The following ZNF778 variants were observed in gnomAD, a reference collection of about 807,000 sequenced individuals.
ZNF778 encodes the protein zinc finger protein 778.
A neutral mutation model predicts 23.9 loss-of-function variants in ZNF778; 37 were observed. That is an observed-to-expected ratio of 1.54 (90% CI 1.19 to 2.03). ZNF778 has a LOEUF of 2.03. ZNF778 is among the 30% of genes most tolerant of loss of function. ZNF778 has a pLI of 0.00. For synonymous variants in ZNF778, 483 were observed against 343.9 expected, an observed-to-expected ratio of 1.40 and a Z score of -4.48; for missense variants, 1,297 against 934.4, an observed-to-expected ratio of 1.39 and a Z score of -5.06.
rs535410393 is a variant in ZNF778 at position 89,222,935 on chromosome 16, G to A, written c.118-222G>A. ...AGGGTGCGCGTGACTGGAGGAGCGC[G>A]ACAGGGCACGCGTGACTGGAGGAGA... On this transcript the variant is annotated intron_variant, in intron 3 of 6. Transcript: ENST00000433976. Among the ~76,000 whole-genome samples, 55 of 145,832 alleles carry A rather than the reference G, an allele frequency of 3.8e-4. 2 individuals carry two copies. The South Asian group carries it at 9.7e-3, about 26-fold the overall frequency.
rs1421510220 is a variant in ZNF778, at chr16:89,229,671, C to A, written c.*1109C>A. 1.0e-6 allele frequency: 1 copy of A among 969,166 alleles called. No homozygotes were observed. The highest frequency in any genetic ancestry group is 1.2e-4 in the East Asian group (1 of 8,176). The allele number at this position is 969,166 out of a possible 1,614,324, so 60.0% of individuals were successfully genotyped here. On this transcript the variant is annotated 3_prime_UTR_variant, in exon 7 of 7. Transcript: ENST00000433976. ...TAGTCTTGAGGATCCAGATGTGATC[C>A]TGCGTGAGCAGCGTAGGCTCTGGTT...
intron 4 of ZNF778, 62 bp from the exon 5 acceptor site, chr16:89,224,657 C>A: frequency 1.7e-6 from 2 of 1,177,122 alleles, no homozygotes; most frequent in East Asian, 2.6e-5. Flanking sequence ...TTCCTGTTCA[C>A]GGGTAGGTTT....
rs1182882182 is a variant in ZNF778 at position 89,232,554 on chromosome 16, T to G, written c.*3992T>G. The G allele has an allele frequency of 9.3e-7, 1 of 1,074,924 alleles. No homozygotes were observed. 66.6% of individuals were successfully genotyped at this position (1,074,924 alleles called of 1,614,324 possible). ...GTTCTGTGTCACTTAGGGCAACTTATGCCCTCCTGTGTGAAAATCTCCACT... is the reference window on the plus strand; with the variant it reads ...GTTCTGTGTCACTTAGGGCAACTTAGGCCCTCCTGTGTGAAAATCTCCACT... On this transcript the variant is annotated 3_prime_UTR_variant, in exon 7 of 7. Transcript: ENST00000433976.
rs940581321 is a variant in ZNF778 at position 89,227,269 on chromosome 16, T to C, written c.981T>C (p.His327=). The part of the protein sequence containing the change: ...ASPVSSSLTQ[H]VRIHAAEKPC... Reference sequence around the variant, plus strand: ...CTGTTTCTTCCAGCCTAACTCAACATGTAAGAATTCATGCTGCAGAGAAAC... The same window carrying C: ...CTGTTTCTTCCAGCCTAACTCAACACGTAAGAATTCATGCTGCAGAGAAAC... The change falls in exon 7 of 7, where the codon CAT becomes CAC. Residue 327 remains histidine, a synonymous_variant. Transcript: ENST00000433976. 6.2e-7 allele frequency: 1 copy of C among 1,613,932 alleles called. No individual in the cohort carries two copies.
rs2151641992 is a variant in ZNF778, at chr16:89,233,632, G to C, written c.*5070G>C. On this transcript the variant is annotated 3_prime_UTR_variant, in exon 7 of 7. Coordinates refer to ENST00000433976, the MANE Select transcript of ZNF778 (RefSeq NM_001201407.2). ...ATATGCAACTCAACTCACACTGTATGCAACTCAGCTCGCTCTGCATATGCA... is the reference window on the plus strand; with the variant it reads ...ATATGCAACTCAACTCACACTGTATCCAACTCAGCTCGCTCTGCATATGCA... 8.8e-7 allele frequency: 1 copy of C among 1,140,476 alleles called. No individual in the cohort carries two copies. Among genetic ancestry groups the C allele is most frequent in the East Asian group, 6.0e-5 (1 of 16,710 alleles). 70.6% of individuals were successfully genotyped at this position (1,140,476 alleles called of 1,614,324 possible). A position where few individuals can be genotyped will look rare whatever the true frequency, so the allele number is the denominator to read the frequency against.
At position 89,227,049 on chromosome 16, in the gene ZNF778, A is replaced by T. The variant is rs780851952; in HGVS notation, c.761A>T (p.Lys254Ile). The T allele has an allele frequency of 9.9e-6, 16 of 1,613,954 alleles. No homozygotes were observed. The South Asian group carries it at 1.6e-4, about 17-fold the overall frequency. Residue 254 changes from lysine (K) to isoleucine (I), a missense_variant, in exon 7 of 7, where the codon AAA becomes ATA. Transcript: ENST00000433976. ...AGSHNGEETW[K>I]WKPCGKALTH... ...AGTCACAACGGAGAAGAAACATGGA[A>T]ATGGAAGCCGTGTGGGAAAGCTCTA...
chr16:89,224,270 C>T (rs927370828), intron 4 of ZNF778, among the ~76,000 whole-genome samples: 10 of 149,214 alleles, frequency 6.7e-5, no homozygotes, highest in Non-Finnish European at 1.0e-4. Context: ...GTGGCTCATG[C>T]CTGTAATCCC....
In ZNF778 at chr16:89,227,598, C is replaced by G. The variant is rs912163299; in HGVS notation, c.1310C>G (p.Thr437Ser). The G allele has an allele frequency of 1.9e-6, 3 of 1,614,186 alleles. No homozygotes were observed. Among genetic ancestry groups the G allele is most frequent in the African/African-American group, 1.3e-5 (1 of 75,054 alleles). Residue 437 changes from threonine (T) to serine (S), a missense_variant, in exon 7 of 7, where the codon ACT (threonine) becomes AGT (serine). Transcript: ENST00000433976. ...GCCTTCACTGTGCGCTGTGGCCTTA[C>G]TAGACACGTACGAACACACACGGGC... ...GKAFTVRCGLTRHVRTHTGEK... is the reference protein window; with the variant it reads ...GKAFTVRCGLSRHVRTHTGEK...
chr16:89,219,268 T>C (rs1279480858), intron 1 of ZNF778, among the ~76,000 whole-genome samples: 2 of 152,272 alleles, frequency 1.3e-5, no homozygotes, highest in Admixed American at 1.3e-4. Context: ...TCTTTTCACC[T>C]AGAACAACCC....
chr16:89,220,839 T>C (rs4785773), intron 1 of ZNF778, among the ~76,000 whole-genome samples, 158 bp from the exon 2 acceptor site: 151,643 of 152,352 alleles, frequency 1, 75,474 homozygotes, highest in Middle Eastern at 1. Context: ...GTTGTGTCTT[T>C]TGACCCATAT....
chr16:89,233,966 T>C lies in ZNF778; in HGVS notation c.*5404T>C, dbSNP rs978422598. The C allele has an allele frequency of 3.2e-6, 4 of 1,264,536 alleles. No individual in the cohort carries two copies. In the African/African-American group the frequency reaches 6.1e-5, roughly 19 times the overall value. The allele number at this position is 1,264,536 out of a possible 1,614,324, so 78.3% of individuals were successfully genotyped here. On this transcript the variant is annotated 3_prime_UTR_variant, in exon 7 of 7. Transcript: ENST00000433976. ...TTGGGCCTGCTGGAAGTATGCAGAC[T>C]AGCCAGCCCCAGACTTCATCCTGCC...
At position 89,231,520 on chromosome 16, in the gene ZNF778, C is replaced by T. The variant is rs897492546; in HGVS notation, c.*2958C>T. ...CCTTCACTGGAGGTGACTTCACGCA[C>T]TTCTTCAGAACCTCCTCAGCAGCGA... On this transcript the variant is annotated 3_prime_UTR_variant, in exon 7 of 7. Transcript: ENST00000433976. The T allele has an allele frequency of 2.0e-5, 3 of 152,252 alleles. No individual in the cohort carries two copies. Among genetic ancestry groups the T allele is most frequent in the African/African-American group, 4.8e-5 (2 of 41,434 alleles). 9.4% of individuals were successfully genotyped at this position (152,252 alleles called of 1,614,324 possible).
In ZNF778 at chr16:89,230,021, A is replaced by G; in HGVS notation, c.*1459A>G. On this transcript the variant is annotated 3_prime_UTR_variant, in exon 7 of 7. Coordinates refer to ENST00000433976, the MANE Select transcript of ZNF778 (RefSeq NM_001201407.2). Reference sequence around the variant, plus strand: ...TGAGCAGTGTAGGCTCTGGTTGGTTAGTCTTAAGTATCCAGATGGGATCCT... The same window carrying G: ...TGAGCAGTGTAGGCTCTGGTTGGTTGGTCTTAAGTATCCAGATGGGATCCT... 1.0e-6 allele frequency: 1 copy of G among 980,926 alleles called. No homozygotes were observed. The highest frequency in any genetic ancestry group is 4.7e-5 in the South Asian group (1 of 21,164). The allele number at this position is 980,926 out of a possible 1,614,324, so 60.8% of individuals were successfully genotyped here. A position where few individuals can be genotyped will look rare whatever the true frequency, so the allele number is the denominator to read the frequency against.
chr16:89,222,496 T>C (rs1461224433), intron 3 of ZNF778, among the ~76,000 whole-genome samples: 1 of 152,212 alleles, frequency 6.6e-6, no homozygotes, highest in Non-Finnish European at 1.5e-5. Flanking sequence ...CCCAAGTAGC[T>C]GGGATTACAA....
At position 89,228,103 on chromosome 16, in the gene ZNF778, C is replaced by A. The variant is rs28638280; in HGVS notation, c.1815C>A (p.Thr605=). 6.2e-7 allele frequency: 1 copy of A among 1,613,766 alleles called. No individual in the cohort carries two copies. The highest frequency in any genetic ancestry group is 1.7e-5 in the Admixed American group (1 of 60,006). ...CATTCACTGTTTCTTCGAGCCTAACCGAGCACATACGAACTCACACTGGAG... is the reference window on the plus strand; with the variant it reads ...CATTCACTGTTTCTTCGAGCCTAACAGAGCACATACGAACTCACACTGGAG... ...GKTFTVSSSL[T]EHIRTHTGEK... is the part of the protein sequence containing the mutation. Residue 605 remains threonine, a synonymous_variant, in exon 7 of 7, where the codon ACC becomes ACA. Transcript: ENST00000433976.
chr16:89,225,529 T>C lies in ZNF778; in HGVS notation c.329-26T>C, dbSNP rs745958061. The stretch of plus-strand genomic sequence containing the variant: ...ACAAATACCAATGAGTTTGATCGTT[T>C]TTAGGTCATTCTTCTTTCTTTTCAG... On this transcript the variant is annotated intron_variant, in intron 5 of 6. Coordinates refer to ENST00000433976, the MANE Select transcript of ZNF778 (RefSeq NM_001201407.2). 9 of 1,500,950 alleles carry C rather than the reference T, an allele frequency of 6.0e-6. No individual in the cohort carries two copies. In the Admixed American group the frequency reaches 8.5e-5, roughly 14 times the overall value. The allele number at this position is 1,500,950 out of a possible 1,614,324, so 93.0% of individuals were successfully genotyped here.
At chr16:89,226,665 CCT>C in intron 6 of ZNF778, 27 bp from the exon 7 acceptor site, 2 of 1,580,784 alleles carry the variant, frequency 1.3e-6, no homozygotes, top group South Asian at 2.3e-5. Context: ...TCAGTAACCC[CCT>C]GACCACCACT....
chr16:89,218,519 C>T (rs1183749668), intron 1 of ZNF778, among the ~76,000 whole-genome samples: 1 of 152,206 alleles, frequency 6.6e-6, no homozygotes, highest in Non-Finnish European at 1.5e-5. Context: ...AGGCCGGGCG[C>T]GGTGGCTCAC....
chr16:89,223,328 T>C (rs757851899), intron 4 of ZNF778, 45 bp downstream of exon 4: 6 of 1,611,390 alleles, frequency 3.7e-6, no homozygotes, highest in Non-Finnish European at 5.1e-6. Flanking sequence ...AACCAATACT[T>C]GATGTGTCCT....
Sources: allele counts gnomAD v4.1 joint callset (sites outside exome capture counted in the v4.1 genomes callset), GRCh38; gene constraint gnomAD v4.1.1; transcripts MANE v1.5; gene names NCBI Gene and HGNC (gene_info 2026-07-23, HGNC 2026-07-21).